The following HTR2A variants were observed in gnomAD, a reference collection of about 807,000 sequenced individuals.
The protein encoded by HTR2A is 5-HT2 receptor.
A neutral mutation model predicts 31.0 loss-of-function variants in HTR2A; 14 were observed. The observed-to-expected ratio is 0.45, with a 90% confidence interval of 0.30 to 0.71. HTR2A has a LOEUF of 0.71. Ranked by LOEUF, HTR2A falls within the 30% of genes least tolerant of loss-of-function variation. The pLI is 0.09. For missense variants in HTR2A, 442 were observed against 573.3 expected (o/e 0.77, Z 2.34); for synonymous variants, 209 against 225.2 (o/e 0.93, Z 0.64).
At chr13:46,876,385 C>CATATATATATATAT (rs1213510951) in intron 3 of HTR2A, among the ~76,000 whole-genome samples, 4 of 94,296 alleles carry the variant, frequency 4.2e-5, no homozygotes, top group South Asian at 4.3e-4. Flanking sequence ...TATTTTGATT[C>CATATATATATATAT]ATATATATAT....
chr13:46,858,453 G>A (rs1329666016), intron 3 of HTR2A, among the ~76,000 whole-genome samples: 1 of 152,122 alleles, frequency 6.6e-6, no homozygotes, highest in Non-Finnish European at 1.5e-5. Flanking sequence ...GAGGGCTGTG[G>A]ATGGAAGGCA....
rs778969781 is a variant in HTR2A, at chr13:46,835,485, T to C, written c.768A>G (p.Leu256=). 6 of 1,613,934 alleles carry C rather than the reference T, an allele frequency of 3.7e-6. No individual in the cohort carries two copies. The highest frequency in any genetic ancestry group is 4.2e-6 in the Non-Finnish European group (5 of 1,179,958). The change falls in exon 4 of 4, where the codon CTA becomes CTG. Residue 256 remains leucine, a synonymous_variant. Transcript: ENST00000542664. ...CTTCTTTCTGGAGTGACTTGATAGTTAGAAAGTAGGTGATCACCATGATGG... is the reference window on the plus strand; with the variant it reads ...CTTCTTTCTGGAGTGACTTGATAGTCAGAAAGTAGGTGATCACCATGATGG... ...PLTIMVITYF[L]TIKSLQKEAT...
In HTR2A at chr13:46,892,478, G is replaced by T; in HGVS notation, c.525C>A (p.Val175=). 1 of 1,614,220 alleles carries T rather than the reference G, an allele frequency of 6.2e-7. No individual in the cohort carries two copies. Residue 175 remains valine (V), a synonymous_variant, in exon 3 of 4, where the codon GTC becomes GTA. Coordinates refer to ENST00000542664, the MANE Select transcript of HTR2A (RefSeq NM_000621.5). ...TGTGGTGGATGGGATTCTGGATGGC[G>T]ACGTAGCGGTCCAGCGAGATGGCGC... The part of the protein sequence containing the change: ...HLCAISLDRY[V]AIQNPIHHSR...
chr13:46,884,857 CTATATTATCAT>C (rs1014605910), intron 3 of HTR2A, among the ~76,000 whole-genome samples: 1 of 152,004 alleles, frequency 6.6e-6, no homozygotes, highest in African/African-American at 2.4e-5. Flanking sequence ...CATATTATCA[CTATATTATCAT>C]TAGTTTACCA....
In HTR2A at chr13:46,895,856, G is replaced by A. The variant is rs150684157; in HGVS notation, c.51C>T (p.Ser17=). 1.1e-4 allele frequency: 177 copies of A among 1,613,780 alleles called. No individual in the cohort carries two copies. In the African/African-American group the frequency reaches 2.2e-3, roughly 20 times the overall value. ...TGGTGTCATCATTTAATTGCATTAG[G>A]GAGTTCGTAGTTGAGCTCAAAGAAG... ...ENTSLSSTTN[S]LMQLNDDTRL... Residue 17 remains serine (S), a synonymous_variant, in exon 2 of 4, where the codon TCC becomes TCT. Transcript: ENST00000542664. The surrounding 1 kb of genome is among the most constrained non-coding windows in gnomAD (Gnocchi z 4.4).
At chr13:46,840,200 C>A (rs1204886478) in intron 3 of HTR2A, among the ~76,000 whole-genome samples, 1 of 152,102 alleles carries the variant, frequency 6.6e-6, no homozygotes, top group South Asian at 2.1e-4. Flanking sequence ...ACAGAAGACA[C>A]CACTGGTAAA....
chr13:46,858,278 C>T (rs1950754807), intron 3 of HTR2A, among the ~76,000 whole-genome samples: 1 of 152,016 alleles, frequency 6.6e-6, no homozygotes, highest in Non-Finnish European at 1.5e-5. Flanking sequence ...GTACCTGAAT[C>T]TGACGACCCC....
At chr13:46,892,296 G>T in intron 3 of HTR2A, 94 bp downstream of exon 3, 1 of 1,151,166 alleles carries the variant, frequency 8.7e-7, no homozygotes, top group Non-Finnish European at 1.3e-6. Context: ...GTAGATTGAG[G>T]ATGTCAGGTT....
chr13:46,865,953 G>A (rs1026690808), intron 3 of HTR2A, among the ~76,000 whole-genome samples: 2 of 152,140 alleles, frequency 1.3e-5, no homozygotes, highest in Non-Finnish European at 2.9e-5. Context: ...TGCTTGAGAC[G>A]AGGTAAGCTT....
At chr13:46,866,496 C>T (rs1018044336) in intron 3 of HTR2A, among the ~76,000 whole-genome samples, 9 of 152,218 alleles carry the variant, frequency 5.9e-5, no homozygotes, top group African/African-American at 2.2e-4. Context: ...GTCACAAGAC[C>T]TGGCTTTGAG....
chr13:46,838,975 CAT>C lies in HTR2A; in HGVS notation c.614-3338_614-3337del, dbSNP rs1200994783. Among the ~76,000 whole-genome samples, 375 of 134,326 alleles carry C rather than the reference CAT, an allele frequency of 2.8e-3. 1 individual carries two copies. The highest frequency in any genetic ancestry group is 0.01 in the African/African-American group (352 of 33,824). 88.1% of individuals were successfully genotyped at this position (134,326 alleles called of 152,430 possible). On this transcript the variant is annotated intron_variant, in intron 3 of 3. Transcript: ENST00000542664. ...AATAGTGTCTTTGGTTGGACACACA[CAT>C]ACACACACACACACACACACACACA...
chr13:46,885,175 C>T (rs907224673), intron 3 of HTR2A, among the ~76,000 whole-genome samples: 3 of 152,130 alleles, frequency 2.0e-5, no homozygotes, highest in African/African-American at 7.2e-5. Flanking sequence ...GATGACTGGA[C>T]TACAAGCACT....
At chr13:46,885,868 C>T (rs1756706350) in intron 3 of HTR2A, among the ~76,000 whole-genome samples, 1 of 152,198 alleles carries the variant, frequency 6.6e-6, no homozygotes, top group Non-Finnish European at 1.5e-5. Context: ...TTGTCCATTT[C>T]AAGTTATGTT....
At chr13:46,858,089 G>C (rs1193513477) in intron 3 of HTR2A, among the ~76,000 whole-genome samples, 1 of 152,128 alleles carries the variant, frequency 6.6e-6, no homozygotes, top group Non-Finnish European at 1.5e-5. Flanking sequence ...TTAGTGATTG[G>C]GTGGAGGTGC....
chr13:46,884,499 C>T (rs901332583), intron 3 of HTR2A, among the ~76,000 whole-genome samples: 9 of 152,128 alleles, frequency 5.9e-5, no homozygotes, highest in African/African-American at 2.2e-4. Flanking sequence ...CCCATCTCTA[C>T]TAAAAATACA....
intron 3 of HTR2A, among the ~76,000 whole-genome samples, chr13:46,836,387 T>C (rs982998795): frequency 3.3e-5 from 5 of 152,202 alleles, no homozygotes; most frequent in Admixed American, 1.3e-4. Context: ...CACTTACATG[T>C]ACATATAAAA....
Position 46,834,715 on chromosome 13 carries a change from A to G in HTR2A, c.*122T>C. ...TCATTGACAGAATAAAATGAGGCAT[A>G]CAGATATGATCGTTGGTTCCACTAG... On this transcript the variant is annotated 3_prime_UTR_variant, in exon 4 of 4. Coordinates refer to ENST00000542664, the MANE Select transcript of HTR2A (RefSeq NM_000621.5). 2 of 704,390 alleles carry G rather than the reference A, an allele frequency of 2.8e-6. No homozygotes were observed. Among genetic ancestry groups the G allele is most frequent in the Non-Finnish European group, 4.7e-6 (2 of 424,800 alleles). The allele number at this position is 704,390 out of a possible 1,614,324, so 43.6% of individuals were successfully genotyped here.
At chr13:46,887,484 T>C (rs1383925832) in intron 3 of HTR2A, among the ~76,000 whole-genome samples, 1 of 145,106 alleles carries the variant, frequency 6.9e-6, no homozygotes, top group Non-Finnish European at 1.5e-5. Flanking sequence ...TTACCAGACA[T>C]ATCAACAGAC....
Position 46,896,675 on chromosome 13 carries a change from T to A in HTR2A, c.-330A>T, listed in dbSNP as rs955741003. The A allele has an allele frequency of 7.6e-5, 116 of 1,522,228 alleles. 1 individual carries two copies. The highest frequency in any genetic ancestry group is 6.9e-4 in the Admixed American group (33 of 47,482). 94.3% of individuals were successfully genotyped at this position (1,522,228 alleles called of 1,614,324 possible). A position where few individuals can be genotyped will look rare whatever the true frequency, so the allele number is the denominator to read the frequency against. On this transcript the variant is annotated splice_region_variant and 5_prime_UTR_variant, in exon 1 of 4. The change abolishes an upstream ATG in the 5' untranslated region. Coordinates refer to ENST00000542664, the MANE Select transcript of HTR2A (RefSeq NM_000621.5). Reference sequence around the variant, plus strand: ...AAATATAGCGGCATGAGAACTTACATTTGTCTTCAGGGTCCACACATGAGA... The same window carrying A: ...AAATATAGCGGCATGAGAACTTACAATTGTCTTCAGGGTCCACACATGAGA...
Sources: gnomAD v4.1 joint callset for allele counts (sites outside exome capture counted in the v4.1 genomes callset) on GRCh38, gnomAD v4.1.1 for gene constraint, Gnocchi (gnomAD v3.1) non-coding constraint, MANE v1.5 for transcripts, NCBI Gene and HGNC (gene_info 2026-07-23, HGNC 2026-07-21) for gene names.